PATL2: variants seen among roughly 807,000 people sequenced by gnomAD.
PATL2 encodes protein PAT1 homolog 2.
Under a neutral mutation model 77.0 loss-of-function variants are expected in PATL2, and 73 were observed. That is an observed-to-expected ratio of 0.95 (90% CI 0.78 to 1.15). The LOEUF (loss-of-function observed/expected upper bound fraction) is 1.15, where lower values mean the gene tolerates loss of function less well. PATL2 is among the 50% of genes most tolerant of loss of function. The pLI, the probability that PATL2 is intolerant of heterozygous loss-of-function variation, is 0.00. For missense variants in PATL2, 618 were observed against 655.4 expected (o/e 0.94, Z 0.62); for synonymous variants, 265 against 257.1 (o/e 1.03, Z -0.29).
intron 3 of PATL2, among the ~76,000 whole-genome samples, chr15:44,691,709 C>T (rs2086396335): frequency 6.6e-6 from 1 of 151,048 alleles, no homozygotes; most frequent in Non-Finnish European, 1.5e-5. Context: ...TAAAGTAAAC[C>T]TGGGCACGGT....
chr15:44,689,190 A>G (rs1423165192), intron 3 of PATL2, among the ~76,000 whole-genome samples: 1 of 152,246 alleles, frequency 6.6e-6, no homozygotes, highest in African/African-American at 2.4e-5. Context: ...TAGAATGGTG[A>G]TCATTAAAAA....
At chr15:44,702,175 G>T (rs952022677) in intron 3 of PATL2, among the ~76,000 whole-genome samples, 1 of 152,042 alleles carries the variant, frequency 6.6e-6, no homozygotes, top group African/African-American at 2.4e-5. Flanking sequence ...ACTTGTTATT[G>T]GTCTGTTCTG....
chr15:44,669,915 C>T, intron 10 of PATL2, 41 bp from the exon 11 acceptor site: 1 of 1,550,902 alleles, frequency 6.4e-7, no homozygotes. Context: ...CCCTCCCACA[C>T]TCTGTCCACC....
intron 3 of PATL2, among the ~76,000 whole-genome samples, chr15:44,687,077 C>A (rs1217135727): frequency 6.6e-6 from 1 of 152,120 alleles, no homozygotes; most frequent in Non-Finnish European, 1.5e-5. Context: ...ATCCTGATAC[C>A]AAAACCTGGC....
At chr15:44,706,607 C>A (rs1044352566) in intron 3 of PATL2, among the ~76,000 whole-genome samples, 1 of 152,230 alleles carries the variant, frequency 6.6e-6, no homozygotes, top group Non-Finnish European at 1.5e-5. Flanking sequence ...TTCCCCCAGG[C>A]AAAGTCTGTC....
intron 3 of PATL2, among the ~76,000 whole-genome samples, chr15:44,679,559 T>C (rs574108068): frequency 2.7e-5 from 4 of 147,650 alleles, no homozygotes; most frequent in African/African-American, 5.0e-5. Flanking sequence ...TTTCTTTTTT[T>C]TTTTTTTTTT....
intron 3 of PATL2, among the ~76,000 whole-genome samples, chr15:44,696,571 C>T (rs1047352131): frequency 2.6e-5 from 4 of 152,162 alleles, no homozygotes; most frequent in Non-Finnish European, 5.9e-5. Context: ...GCCTGTGGGA[C>T]AGGTTCTCTG....
rs548971279 is a variant in PATL2, at chr15:44,692,401, G to A, written c.-75-15836C>T. Among the ~76,000 whole-genome samples, 22 of 152,130 alleles carry A rather than the reference G, an allele frequency of 1.4e-4. No homozygotes were observed. The East Asian group carries it at 3.5e-3, about 24-fold the overall frequency. ...AAATACCCCAAAGACAAAAACCAAC[G>A]ACAACAACAACAAAAAAACCAGCTC... On this transcript the variant is annotated intron_variant, in intron 3 of 17. Coordinates refer to ENST00000682850, the MANE Select transcript of PATL2 (RefSeq NM_001387263.1).
intron 9 of PATL2, 70 bp downstream of exon 9, chr15:44,671,945 A>C: frequency 6.6e-7 from 1 of 1,517,112 alleles, no homozygotes; most frequent in Non-Finnish European, 8.9e-7. Context: ...AGAGAGGATC[A>C]GAGCGGGCCC....
chr15:44,670,727 C>T, intron 9 of PATL2, among the ~76,000 whole-genome samples: 1 of 152,236 alleles, frequency 6.6e-6, no homozygotes, highest in South Asian at 2.1e-4. Flanking sequence ...CTGTAACCTT[C>T]CTGCATTCCT....
chr15:44,705,883 C>T (rs369514197), intron 3 of PATL2, among the ~76,000 whole-genome samples: 38 of 142,912 alleles, frequency 2.7e-4, no homozygotes, highest in African/African-American at 1.0e-3. Flanking sequence ...CTCACTGAAT[C>T]TCCGCCTCCC....
intron 10 of PATL2, 38 bp downstream of exon 10, chr15:44,669,928 GA>G: frequency 6.5e-7 from 1 of 1,550,150 alleles, no homozygotes; most frequent in Non-Finnish European, 8.7e-7. Flanking sequence ...TGTCCACCCA[GA>G]TGCCCAGCCC....
chr15:44,698,206 T>C (rs920043337), intron 3 of PATL2, among the ~76,000 whole-genome samples: 1 of 151,972 alleles, frequency 6.6e-6, no homozygotes, highest in Non-Finnish European at 1.5e-5. Flanking sequence ...GGGAAAATGG[T>C]GTATCCCTTA....
At chr15:44,673,498 C>T in intron 6 of PATL2, 121 bp from the exon 7 acceptor site, 1 of 1,319,900 alleles carries the variant, frequency 7.6e-7, no homozygotes, top group Non-Finnish European at 1.0e-6. Context: ...CAACATTGTG[C>T]CATCTTGTGA....
chr15:44,689,438 A>G (rs1306271292), intron 3 of PATL2, among the ~76,000 whole-genome samples: 1 of 152,236 alleles, frequency 6.6e-6, no homozygotes, highest in Non-Finnish European at 1.5e-5. Context: ...ACCGTTCACA[A>G]CAGCAAAGAC....
chr15:44,687,263 G>A (rs151223413), intron 3 of PATL2, among the ~76,000 whole-genome samples: 7 of 152,142 alleles, frequency 4.6e-5, no homozygotes, highest in African/African-American at 9.6e-5. Flanking sequence ...TACACAAATC[G>A]ATTAACGTAA....
At chr15:44,678,415 T>C (rs373276338) in intron 3 of PATL2, among the ~76,000 whole-genome samples, 13 of 152,202 alleles carry the variant, frequency 8.5e-5, no homozygotes, top group African/African-American at 3.1e-4. Flanking sequence ...CCTGGCTGTT[T>C]GGAGTTTCAC....
At chr15:44,708,892 G>A (rs928365909) in intron 3 of PATL2, among the ~76,000 whole-genome samples, 7 of 152,112 alleles carry the variant, frequency 4.6e-5, no homozygotes, top group Non-Finnish European at 1.0e-4. Flanking sequence ...CTGTCGAAGT[G>A]TTTTCCTTTT....
At position 44,669,150 on chromosome 15, in the gene PATL2, G is replaced by C; in HGVS notation, c.1065-11C>G. 1 of 1,529,476 alleles carries C rather than the reference G, an allele frequency of 6.5e-7. No individual in the cohort carries two copies. The highest frequency in any genetic ancestry group is 8.8e-7 in the Non-Finnish European group (1 of 1,132,862). 94.7% of individuals were successfully genotyped at this position (1,529,476 alleles called of 1,614,324 possible). A position where few individuals can be genotyped will look rare whatever the true frequency, so the allele number is the denominator to read the frequency against. ...CCATCTGCTGCCTCTCTGCAAGGGAGAGAGGAGAACATTTTCAGAGCTCTG... is the reference window on the plus strand; with the variant it reads ...CCATCTGCTGCCTCTCTGCAAGGGACAGAGGAGAACATTTTCAGAGCTCTG... On this transcript the variant is annotated splice_polypyrimidine_tract_variant and intron_variant, in intron 13 of 17. Coordinates refer to ENST00000682850, the MANE Select transcript of PATL2 (RefSeq NM_001387263.1).
Sources: allele counts gnomAD v4.1 joint callset (sites outside exome capture counted in the v4.1 genomes callset), GRCh38; gene constraint gnomAD v4.1.1; transcripts MANE v1.5; gene names NCBI Gene and HGNC (gene_info 2026-07-23, HGNC 2026-07-21).